Variants in RMND5A observed in about 807,000 individuals in gnomAD.
The protein encoded by RMND5A is E3 ubiquitin-protein transferase RMND5A.
Under a neutral mutation model 49.7 loss-of-function variants are expected in RMND5A, and 17 were observed. That is an observed-to-expected ratio of 0.34 (90% CI 0.23 to 0.51). The LOEUF is 0.51. Among genes scored for constraint, RMND5A ranks in the 20% least tolerant of loss-of-function variants. RMND5A has a pLI of 0.96. For missense variants in RMND5A, 255 were observed against 471.3 expected (o/e 0.54, Z 4.25); for synonymous variants, 156 against 167.7 (o/e 0.93, Z 0.54).
At position 86,776,247 on chromosome 2, in the gene RMND5A, C is replaced by T. The variant is rs1409669723; in HGVS notation, c.*2836C>T. 6.6e-6 allele frequency: 1 copy of T among 152,136 alleles called. No individual in the cohort carries two copies. The highest frequency in any genetic ancestry group is 6.5e-5 in the Admixed American group (1 of 15,272). 9.4% of individuals were successfully genotyped at this position (152,136 alleles called of 1,614,324 possible). On this transcript the variant is annotated 3_prime_UTR_variant, in exon 9 of 9. Coordinates refer to ENST00000283632, the MANE Select transcript of RMND5A (RefSeq NM_022780.4). The stretch of plus-strand genomic sequence containing the variant: ...TTTCTCCGTTGTGTGATCACAGATG[C>T]TATTTCTGTTTTATTGGTGATTATA...
At chr2:86,773,183 T>C (rs1672711277) in intron 8 of RMND5A, among the ~76,000 whole-genome samples, 165 bp from the exon 9 acceptor site, 1 of 152,232 alleles carries the variant, frequency 6.6e-6, no homozygotes, top group South Asian at 2.1e-4. Flanking sequence ...GGCAGTTATA[T>C]TAAGGGAAAG....
rs1166931693 is a variant in RMND5A, at chr2:86,720,315, T to C, written c.-353T>C. 6.6e-6 allele frequency: 1 copy of C among 152,398 alleles called. No individual in the cohort carries two copies. The highest frequency in any genetic ancestry group is 1.5e-5 in the Non-Finnish European group (1 of 68,334). 9.4% of individuals were successfully genotyped at this position (152,398 alleles called of 1,614,324 possible). On this transcript the variant is annotated 5_prime_UTR_variant, in exon 1 of 9. Transcript: ENST00000283632. ...CCTCCCCCCAGTCGGCGGCGCTTGGTGCCGCCCGGGAGAACCAGGTCATCG... is the reference window on the plus strand; with the variant it reads ...CCTCCCCCCAGTCGGCGGCGCTTGGCGCCGCCCGGGAGAACCAGGTCATCG...
At position 86,765,706 on chromosome 2, in the gene RMND5A, G is replaced by A. The variant is rs1371748712; in HGVS notation, c.689-153G>A. On this transcript the variant is annotated intron_variant, in intron 5 of 8. Transcript: ENST00000283632. ...TTTTCTCTCCATGCTGTTTAATTTA[G>A]GATGAAGGAAGAAACCAAGCTTAAG... 1.7e-6 allele frequency: 1 copy of A among 604,396 alleles called. No homozygotes were observed. The allele number at this position is 604,396 out of a possible 1,614,324, so 37.4% of individuals were successfully genotyped here.
At chr2:86,723,852 TC>T (rs1231403032) in intron 1 of RMND5A, among the ~76,000 whole-genome samples, 28 of 147,406 alleles carry the variant, frequency 1.9e-4, no homozygotes, top group Middle Eastern at 3.5e-3. Flanking sequence ...TGGGAGATAG[TC>T]CTGCAGTGAG....
chr2:86,759,598 T>C (rs1444927954), intron 4 of RMND5A, among the ~76,000 whole-genome samples: 1 of 149,384 alleles, frequency 6.7e-6, no homozygotes, highest in Non-Finnish European at 1.5e-5. Context: ...TTTCACTGCA[T>C]TTTTAGTTTG....
At chr2:86,766,079 C>T in intron 6 of RMND5A, 55 bp downstream of exon 6, 2 of 1,450,914 alleles carry the variant, frequency 1.4e-6, no homozygotes, top group East Asian at 4.7e-5. Context: ...ATCACCTTCC[C>T]TTAACTTGTT....
intron 4 of RMND5A, among the ~76,000 whole-genome samples, chr2:86,758,656 G>A (rs563068333): frequency 2.8e-4 from 43 of 152,174 alleles, no homozygotes; most frequent in Non-Finnish European, 5.1e-4. Context: ...CATAGTTTGT[G>A]TGGTTTCTTA....
In RMND5A at chr2:86,773,508, G is replaced by T; in HGVS notation, c.*97G>T. ...ATAATGCAGCTAACCAAGGACTCCT[G>T]TGTTTCTATAAGCTAATGCTCCAGA... is the stretch of plus-strand genomic sequence containing the variant. On this transcript the variant is annotated 3_prime_UTR_variant, in exon 9 of 9. Transcript: ENST00000283632. 1.3e-6 allele frequency: 1 copy of T among 773,786 alleles called. No homozygotes were observed. The highest frequency in any genetic ancestry group is 2.3e-6 in the Non-Finnish European group (1 of 443,854). 47.9% of individuals were successfully genotyped at this position (773,786 alleles called of 1,614,324 possible).
chr2:86,765,362 AG>A (rs1229614490), intron 5 of RMND5A, among the ~76,000 whole-genome samples, 169 bp downstream of exon 5: 1 of 152,236 alleles, frequency 6.6e-6, no homozygotes, highest in Non-Finnish European at 1.5e-5. Flanking sequence ...AAAATATTAA[AG>A]CCTCTTAGAA....
At position 86,720,685 on chromosome 2, in the gene RMND5A, G is replaced by A; in HGVS notation, c.18G>A (p.Thr6=). 5 of 1,567,592 alleles carry A rather than the reference G, an allele frequency of 3.2e-6. No individual in the cohort carries two copies. Among genetic ancestry groups the A allele is most frequent in the South Asian group, 1.2e-5 (1 of 85,932 alleles). Residue 6 remains threonine, a synonymous_variant, in exon 1 of 9, where the codon ACG becomes ACA. Coordinates refer to ENST00000283632, the MANE Select transcript of RMND5A (RefSeq NM_022780.4). ...CCTCCGGCATGGATCAGTGCGTGAC[G>A]GTGGAGCGCGAGCTGGAGAAGGTGC... MDQCV[T]VERELEKVLH...
chr2:86,745,415 G>A (rs1681521456), intron 2 of RMND5A, among the ~76,000 whole-genome samples: 1 of 152,218 alleles, frequency 6.6e-6, no homozygotes, highest in South Asian at 2.1e-4. Flanking sequence ...TGACTTGGAA[G>A]AGTGGGTAAG....
intron 4 of RMND5A, among the ~76,000 whole-genome samples, chr2:86,757,953 T>C (rs1444041082): frequency 6.6e-6 from 1 of 152,058 alleles, no homozygotes; most frequent in Non-Finnish European, 1.5e-5. Flanking sequence ...CAAGAGGAGA[T>C]TGTTCTAGAA....
rs1242199254 is a variant in RMND5A at position 86,725,616 on chromosome 2, C to G, written c.142+4807C>G. 7.7e-5 allele frequency among the ~76,000 whole-genome samples: 6 copies of G among 77,996 alleles called. 3 individuals carry two copies. Among genetic ancestry groups the G allele is most frequent in the African/African-American group, 3.0e-4 (6 of 20,050 alleles). The allele number at this position is 77,996 out of a possible 152,430, so 51.2% of individuals were successfully genotyped here. A position where few individuals can be genotyped will look rare whatever the true frequency, so the allele number is the denominator to read the frequency against. On this transcript the variant is annotated intron_variant, in intron 1 of 8. Transcript: ENST00000283632. ...ATGTGGGTCAGGCTGGTCTTGAACA[C>G]CTGACCTCAAGCAGTCCACGCGCCT...
intron 5 of RMND5A, 27 bp downstream of exon 5, chr2:86,765,220 T>C (rs1672570531): frequency 1.3e-6 from 2 of 1,545,532 alleles, no homozygotes; most frequent in East Asian, 2.3e-5. Flanking sequence ...ATGTTATTAA[T>C]GTTTGAAACA....
intron 4 of RMND5A, among the ~76,000 whole-genome samples, chr2:86,758,954 A>C (rs1030090174): frequency 2.6e-5 from 4 of 152,206 alleles, no homozygotes; most frequent in Non-Finnish European, 5.9e-5. Context: ...AATCAATGTC[A>C]TTCATTCCCC....
Position 86,721,317 on chromosome 2 carries a change from G to T in RMND5A, c.142+508G>T, listed in dbSNP as rs1390699214. On this transcript the variant is annotated intron_variant, in intron 1 of 8. Transcript: ENST00000283632. Reference sequence around the variant, plus strand: ...GACTTCGTTTCTTCGTTTTATTTTGGAAAGTCGAGCGTTATTCTTAGCTGT... The same window carrying T: ...GACTTCGTTTCTTCGTTTTATTTTGTAAAGTCGAGCGTTATTCTTAGCTGT... 3.3e-5 allele frequency among the ~76,000 whole-genome samples: 5 copies of T among 151,904 alleles called. 1 individual carries two copies. The highest frequency in any genetic ancestry group is 1.2e-4 in the African/African-American group (5 of 41,234).
intron 4 of RMND5A, among the ~76,000 whole-genome samples, chr2:86,762,700 C>CAT (rs1380564565): frequency 3.8e-3 from 21 of 5,498 alleles, no homozygotes; most frequent in African/African-American, 0.011. Flanking sequence ...TCATATATAT[C>CAT]ATATATATCA....
At chr2:86,747,241 A>G (rs541333708) in intron 2 of RMND5A, among the ~76,000 whole-genome samples, 1 of 152,294 alleles carries the variant, frequency 6.6e-6, no homozygotes, top group African/African-American at 2.4e-5. Flanking sequence ...ATCTAGTTGT[A>G]CTAATTTTGC....
chr2:86,751,515 A>C (rs1681632451), intron 2 of RMND5A, among the ~76,000 whole-genome samples: 1 of 152,140 alleles, frequency 6.6e-6, no homozygotes, highest in Admixed American at 6.5e-5. Context: ...GTTGATAGGC[A>C]TATGTGTTTT....
Sources: gnomAD v4.1 joint callset for allele counts (sites outside exome capture counted in the v4.1 genomes callset) on GRCh38, gnomAD v4.1.1 for gene constraint, MANE v1.5 for transcripts, NCBI Gene and HGNC (gene_info 2026-07-23, HGNC 2026-07-21) for gene names.